The following OPN5 variants were observed in gnomAD, a reference collection of about 807,000 sequenced individuals.
OPN5 encodes opsin 5.
A neutral mutation model predicts 41.7 loss-of-function variants in OPN5; 18 were observed. The ratio of observed to expected loss-of-function variants is 0.43; its 90% confidence interval spans 0.30 to 0.64. OPN5 has a LOEUF of 0.64. OPN5 is among the 30% of genes least tolerant of loss of function. OPN5 has a pLI of 0.13. For synonymous variants in OPN5, 178 were observed against 164.3 expected (o/e 1.08, Z -0.64); for missense variants, 318 against 434.5 (o/e 0.73, Z 2.38).
At chr6:47,810,393 A>G (rs973444232) in intron 5 of OPN5, among the ~76,000 whole-genome samples, 6 of 152,154 alleles carry the variant, frequency 3.9e-5, no homozygotes, top group African/African-American at 1.4e-4. Flanking sequence ...AAAGAAGCCA[A>G]AAAGAAACCT....
intron 6 of OPN5, among the ~76,000 whole-genome samples, chr6:47,815,301 C>T (rs187521804): frequency 5.7e-4 from 86 of 152,194 alleles, no homozygotes; most frequent in Non-Finnish European, 6.9e-4. Context: ...TAATTTCCCA[C>T]CACTGCCTTT....
intron 1 of OPN5, among the ~76,000 whole-genome samples, chr6:47,784,227 G>A (rs571309022): frequency 1.1e-4 from 17 of 152,244 alleles, no homozygotes; most frequent in Admixed American, 1.0e-3. Flanking sequence ...ACTCACCCTA[G>A]ATCCACTTCT....
At chr6:47,808,049 T>C (rs1774043408) in intron 4 of OPN5, 105 bp from the exon 5 acceptor site, 3 of 1,021,218 alleles carry the variant, frequency 2.9e-6, no homozygotes, top group Non-Finnish European at 4.5e-6. Flanking sequence ...TGACAGACTT[T>C]CTTGGCTGTG....
At chr6:47,818,352 T>C (rs1322992163) in intron 6 of OPN5, among the ~76,000 whole-genome samples, 4 of 152,146 alleles carry the variant, frequency 2.6e-5, no homozygotes, top group Non-Finnish European at 5.9e-5. Context: ...ACCAGGCTGA[T>C]AAAATGACTT....
intron 4 of OPN5, among the ~76,000 whole-genome samples, chr6:47,804,983 C>G (rs1003775056): frequency 6.6e-6 from 1 of 152,204 alleles, no homozygotes; most frequent in African/African-American, 2.4e-5. Flanking sequence ...GGCAGCAACA[C>G]AGAAAACAGC....
intron 3 of OPN5, among the ~76,000 whole-genome samples, chr6:47,794,100 T>G (rs13191942): frequency 0.27 from 41,221 of 152,074 alleles, 5,963 homozygotes; most frequent in African/African-American, 0.34. Context: ...CTTTCTAGTT[T>G]GCAAAGCAGG....
chr6:47,796,280 G>A (rs948400629), intron 4 of OPN5, among the ~76,000 whole-genome samples: 12 of 152,090 alleles, frequency 7.9e-5, no homozygotes, highest in Non-Finnish European at 1.5e-4. Flanking sequence ...ATTGGGTTAC[G>A]GTGGGAATTC....
chr6:47,792,982 G>T (rs866120415), intron 3 of OPN5, among the ~76,000 whole-genome samples: 47 of 138,070 alleles, frequency 3.4e-4, no homozygotes, highest in South Asian at 1.9e-3. Flanking sequence ...CCAGCACTAC[G>T]TTTTTTTTTT....
exon 2 of OPN5, chr6:47,786,565 C>A (rs767235828): frequency 4.6e-5 from 74 of 1,606,506 alleles, no homozygotes; most frequent in African/African-American, 1.3e-5. Flanking sequence ...GTCTTCTAGA[C>A]GAAAGAAGAA....
intron 4 of OPN5, 82 bp downstream of exon 4, chr6:47,795,645 C>T: frequency 2.2e-6 from 2 of 913,240 alleles, no homozygotes; most frequent in Non-Finnish European, 3.4e-6. Flanking sequence ...ACGTTGGAGA[C>T]TGAGAGAACT....
chr6:47,812,401 T>C (rs143815949), intron 6 of OPN5, among the ~76,000 whole-genome samples: 51 of 152,302 alleles, frequency 3.3e-4, no homozygotes, highest in African/African-American at 1.1e-3. Context: ...AACAGGGCAT[T>C]ATGAGTTGTA....
At chr6:47,812,482 A>G (rs977838411) in intron 6 of OPN5, among the ~76,000 whole-genome samples, 1 of 152,062 alleles carries the variant, frequency 6.6e-6, no homozygotes, top group Non-Finnish European at 1.5e-5. Flanking sequence ...TTAGCTTGTT[A>G]TTTCTTTTGT....
chr6:47,808,464 T>C lies in OPN5; in HGVS notation c.998+69T>C, dbSNP rs1392078241. 2.6e-6 allele frequency: 4 copies of C among 1,539,492 alleles called. No individual in the cohort carries two copies. The African/African-American group carries it at 4.1e-5, about 16-fold the overall frequency. ...CAAAATCCGGCAGGGTTCAAGGTAC[T>C]CAGATGTGCTGTCTTCTTAGGGTTA... is the stretch of plus-strand genomic sequence containing the variant. On this transcript the variant is annotated intron_variant, in intron 5 of 6. Transcript: ENST00000371211.
At chr6:47,786,695 C>G in intron 2 of OPN5, 61 bp downstream of exon 2, 1 of 1,481,382 alleles carries the variant, frequency 6.8e-7, no homozygotes, top group Non-Finnish European at 9.4e-7. Flanking sequence ...CTAAAGTACT[C>G]ACTGTCTCAA....
chr6:47,808,967 T>G (rs1385210183), intron 5 of OPN5, among the ~76,000 whole-genome samples: 5 of 152,206 alleles, frequency 3.3e-5, no homozygotes, highest in African/African-American at 9.6e-5. Flanking sequence ...GCTGCCCATG[T>G]TTAAACAGCC....
chr6:47,797,856 G>T (rs1374930005), intron 4 of OPN5, among the ~76,000 whole-genome samples: 1 of 152,116 alleles, frequency 6.6e-6, no homozygotes, highest in African/African-American at 2.4e-5. Flanking sequence ...CAGTTGAACT[G>T]CTCAACTTGA....
intron 4 of OPN5, among the ~76,000 whole-genome samples, chr6:47,807,701 G>C (rs1052859615): frequency 1.3e-5 from 2 of 151,990 alleles, no homozygotes; most frequent in Non-Finnish European, 2.9e-5. Context: ...AGAAATTTCT[G>C]AACATGCAAA....
intron 4 of OPN5, among the ~76,000 whole-genome samples, chr6:47,806,888 T>C (rs1773987713): frequency 6.6e-6 from 1 of 152,214 alleles, no homozygotes; most frequent in Non-Finnish European, 1.5e-5. Context: ...CCAGGCGCGA[T>C]GGCTCATGCC....
intron 6 of OPN5, among the ~76,000 whole-genome samples, chr6:47,814,610 G>A (rs755461312): frequency 3.5e-4 from 53 of 152,026 alleles, no homozygotes; most frequent in Admixed American, 7.2e-4. Context: ...GTAGAATGGA[G>A]GAAGAAAAAA....
Sources: gnomAD v4.1 joint callset for allele counts (sites outside exome capture counted in the v4.1 genomes callset) on GRCh38, gnomAD v4.1.1 for gene constraint, MANE v1.5 for transcripts, NCBI Gene and HGNC (gene_info 2026-07-23, HGNC 2026-07-21) for gene names.